Variants in NALF1 observed in about 807,000 individuals in gnomAD.
The protein encoded by NALF1 is NALCN channel auxiliary factor 1, also known as family with sequence similarity 155 member A.
In NALF1, 3 loss-of-function variants were observed where a neutral mutation model predicts 48.4. The observed-to-expected ratio is 0.06, with a 90% CI of 0.03 to 0.16. The LOEUF (loss-of-function observed/expected upper bound fraction) is 0.16. Ranked by LOEUF, NALF1 falls within the 10% of genes least tolerant of loss-of-function variation. NALF1 has a pLI of 1.00. For synonymous variants in NALF1, 262 were observed against 245.7 expected, an observed-to-expected ratio of 1.07 and a Z score of -0.62; for missense variants, 526 against 571.5, an observed-to-expected ratio of 0.92 and a Z score of 0.81.
Position 107,170,241 on chromosome 13 carries a change from C to A in NALF1, c.*256G>T. On this transcript the variant is annotated 3_prime_UTR_variant, in exon 3 of 3. Coordinates refer to ENST00000375915, the MANE Select transcript of NALF1 (RefSeq NM_001080396.3). ...AAATAAACCCAAACCAAAACGAAAG[C>A]AAATAAAACCTCCAAACATTAAAAC... The A allele has an allele frequency of 2.6e-6, 1 of 382,272 alleles. No homozygotes were observed. The highest frequency in any genetic ancestry group is 4.7e-6 in the Non-Finnish European group (1 of 213,240). 23.7% of individuals were successfully genotyped at this position (382,272 alleles called of 1,614,324 possible).
At position 107,502,177 on chromosome 13, in the gene NALF1, A is replaced by AAAATAC. The variant is rs1286672725; in HGVS notation, c.916-291423_916-291422insGTATTT. Among the ~76,000 whole-genome samples the AAAATAC allele has an allele frequency of 2.6e-5, 4 of 152,310 alleles. No individual in the cohort carries two copies. The East Asian group carries it at 7.7e-4, about 29-fold the overall frequency. On this transcript the variant is annotated intron_variant, in intron 1 of 2. Transcript: ENST00000375915. The stretch of plus-strand genomic sequence containing the variant: ...AAATTTTCATGAAAATACAAATATG[A>AAAATAC]GAAAAAACACTTTGATAAGTCTTCC...
intron 1 of NALF1, among the ~76,000 whole-genome samples, chr13:107,767,134 TC>T (rs1877437834): frequency 6.6e-6 from 1 of 152,168 alleles, no homozygotes; most frequent in South Asian, 2.1e-4. Context: ...ATGGTGTGTT[TC>T]CCTCACAAAG....
Position 107,452,544 on chromosome 13 carries a change from A to G in NALF1, c.916-241789T>C, listed in dbSNP as rs573711800. On this transcript the variant is annotated intron_variant, in intron 1 of 2. Transcript: ENST00000375915. ...CCATCTTCATGATTAAATTACCTCC[A>G]CCTGGTCTCTACCTGGACATGTGAG... 3.9e-5 allele frequency among the ~76,000 whole-genome samples: 6 copies of G among 152,182 alleles called. No homozygotes were observed. In the East Asian group the frequency reaches 1.2e-3, roughly 29 times the overall value.
intron 1 of NALF1, among the ~76,000 whole-genome samples, chr13:107,544,512 AAGT>A: frequency 6.6e-6 from 1 of 152,288 alleles, no homozygotes; most frequent in East Asian, 1.9e-4. Context: ...GCAATTTCTG[AAGT>A]CAGAATTCTA....
chr13:107,487,048 T>A (rs1885340301), intron 1 of NALF1, among the ~76,000 whole-genome samples: 1 of 152,082 alleles, frequency 6.6e-6, no homozygotes, highest in African/African-American at 2.4e-5. Flanking sequence ...CACGAATTCC[T>A]CCGTGCAGCT....
chr13:107,845,324 G>A (rs530263387), intron 1 of NALF1, among the ~76,000 whole-genome samples: 39 of 152,254 alleles, frequency 2.6e-4, no homozygotes, highest in Non-Finnish European at 4.9e-4. Context: ...TATTTGTAGT[G>A]ATCCATTTAC....
chr13:107,328,923 A>G (rs371935180), intron 1 of NALF1, among the ~76,000 whole-genome samples: 15 of 152,310 alleles, frequency 9.8e-5, no homozygotes, highest in African/African-American at 3.6e-4. Flanking sequence ...TAGGTCTACC[A>G]AAAATGTTGT....
At chr13:107,266,778 T>A (rs1381793112) in intron 1 of NALF1, among the ~76,000 whole-genome samples, 1 of 152,236 alleles carries the variant, frequency 6.6e-6, no homozygotes, top group East Asian at 1.9e-4. Flanking sequence ...ATGCAAATTA[T>A]TAACACAACT....
At chr13:107,769,681 A>G (rs1306480929) in intron 1 of NALF1, among the ~76,000 whole-genome samples, 1 of 61,760 alleles carries the variant, frequency 1.6e-5, no homozygotes, top group South Asian at 9.0e-4. Flanking sequence ...CCTAAAACTT[A>G]AAGTATAATA....
rs148854100 is a variant in NALF1, at chr13:107,332,959, C to T, written c.916-122204G>A. Reference sequence around the variant, plus strand: ...CCAATGGGTGCAAGCGATTCTCCTGCCTCAGCCCCCAGAGTAGCTGGGATT... The same window carrying T: ...CCAATGGGTGCAAGCGATTCTCCTGTCTCAGCCCCCAGAGTAGCTGGGATT... On this transcript the variant is annotated intron_variant, in intron 1 of 2. Coordinates refer to ENST00000375915, the MANE Select transcript of NALF1 (RefSeq NM_001080396.3). Among the ~76,000 whole-genome samples the T allele has an allele frequency of 3.4e-3, 519 of 152,228 alleles. 6 individuals are homozygous for T. The highest frequency in any genetic ancestry group is 0.012 in the African/African-American group (482 of 41,538).
chr13:107,172,344 AC>A (rs1850799232), intron 2 of NALF1, among the ~76,000 whole-genome samples: 2 of 152,236 alleles, frequency 1.3e-5, no homozygotes, highest in African/African-American at 2.4e-5. Flanking sequence ...CATAAACTAT[AC>A]ATTCTTAGTT....
intron 2 of NALF1, among the ~76,000 whole-genome samples, chr13:107,175,169 G>A (rs1170721537): frequency 1.3e-5 from 2 of 151,388 alleles, no homozygotes; most frequent in Non-Finnish European, 2.9e-5. Context: ...GATTACAGGC[G>A]TGAGCCATCG....
intron 1 of NALF1, among the ~76,000 whole-genome samples, chr13:107,638,166 T>C (rs1880035984): frequency 1.4e-5 from 2 of 142,682 alleles, no homozygotes; most frequent in Admixed American, 1.4e-4. Context: ...TTGGAGTATA[T>C]ATCCCTATCT....
chr13:107,646,738 T>C (rs1880323601), intron 1 of NALF1, among the ~76,000 whole-genome samples: 1 of 152,126 alleles, frequency 6.6e-6, no homozygotes, highest in African/African-American at 2.4e-5. Flanking sequence ...GGCATAGGTA[T>C]AATATAAATC....
At chr13:107,647,273 C>T (rs1220517070) in intron 1 of NALF1, among the ~76,000 whole-genome samples, 3 of 151,800 alleles carry the variant, frequency 2.0e-5, no homozygotes, top group African/African-American at 7.3e-5. Context: ...ATGAATAAAT[C>T]CTGTCTCTTC....
rs1386818860 is a variant in NALF1, at chr13:107,164,247, A to C, written c.*6250T>G. 1 of 152,192 alleles carries C rather than the reference A, an allele frequency of 6.6e-6. No homozygotes were observed. Among genetic ancestry groups the C allele is most frequent in the Non-Finnish European group, 1.5e-5 (1 of 68,028 alleles). The allele number at this position is 152,192 out of a possible 1,614,324, so 9.4% of individuals were successfully genotyped here. A position where few individuals can be genotyped will look rare whatever the true frequency, so the allele number is the denominator to read the frequency against. On this transcript the variant is annotated 3_prime_UTR_variant, in exon 3 of 3. Coordinates refer to ENST00000375915, the MANE Select transcript of NALF1 (RefSeq NM_001080396.3). ...GATTCTATGCAACTCTCACCTACCT[A>C]AATAGATACAAATCAATGAAATAAT...
chr13:107,463,069 T>C (rs1402787379), intron 1 of NALF1, among the ~76,000 whole-genome samples: 1 of 152,094 alleles, frequency 6.6e-6, no homozygotes, highest in East Asian at 1.9e-4. Context: ...AGGGAAGAGG[T>C]CAGAAGATGT....
chr13:107,274,860 T>A (rs1477119309), intron 1 of NALF1, among the ~76,000 whole-genome samples: 1 of 151,750 alleles, frequency 6.6e-6, no homozygotes, highest in Non-Finnish European at 1.5e-5. Context: ...TTTGTAGAGG[T>A]CTTACCTGCT....
chr13:107,852,417 G>A lies in NALF1; in HGVS notation c.915+13265C>T, dbSNP rs182495838. Among the ~76,000 whole-genome samples, 113 of 152,284 alleles carry A rather than the reference G, an allele frequency of 7.4e-4. 1 individual carries two copies. Among genetic ancestry groups the A allele is most frequent in the Admixed American group, 2.6e-3 (39 of 15,286 alleles). ...TATTTTTAAGAAGCAATATTCATTT[G>A]TTGCTCTACTATGCTTCTTTTTCCA... On this transcript the variant is annotated intron_variant, in intron 1 of 2. Coordinates refer to ENST00000375915, the MANE Select transcript of NALF1 (RefSeq NM_001080396.3).
Sources: allele counts gnomAD v4.1 joint callset (sites outside exome capture counted in the v4.1 genomes callset), GRCh38; gene constraint gnomAD v4.1.1; transcripts MANE v1.5; gene names NCBI Gene and HGNC (gene_info 2026-07-23, HGNC 2026-07-21).